CRPPA: variants seen among roughly 807,000 people sequenced by gnomAD.
The protein encoded by CRPPA is CDP-L-ribitol pyrophosphorylase A, also known as D-ribitol-5-phosphate cytidylyltransferase.
A neutral mutation model predicts 52.0 loss-of-function variants in CRPPA; 43 were observed. That is an observed-to-expected ratio of 0.83 (90% confidence interval 0.65 to 1.07). The LOEUF is 1.07. Ranked by LOEUF, CRPPA falls within the 50% of genes least tolerant of loss-of-function variation. The probability of loss-of-function intolerance (pLI) is 0.00; values close to 1 mark genes in which losing one functional copy is unlikely to be tolerated. For missense variants in CRPPA, 629 were observed against 551.7 expected (o/e 1.14, Z -1.40); for synonymous variants, 250 against 203.5 (o/e 1.23, Z -1.94).
At chr7:16,294,484 G>A (rs1784631161) in intron 5 of CRPPA, among the ~76,000 whole-genome samples, 1 of 151,254 alleles carries the variant, frequency 6.6e-6, no homozygotes, top group Non-Finnish European at 1.5e-5. Flanking sequence ...TTTTTTTACA[G>A]TAAGATTTCA....
chr7:16,286,097 A>AAAAAATATATAT lies in CRPPA; in HGVS notation c.836-7872_836-7871insATATATATTTTT. 7.2e-3 allele frequency among the ~76,000 whole-genome samples: 280 copies of AAAAAATATATAT among 39,118 alleles called. 29 individuals carry two copies. Among genetic ancestry groups the AAAAAATATATAT allele is most frequent in the Non-Finnish European group, 8.6e-3 (211 of 24,646 alleles). 25.7% of individuals were successfully genotyped at this position (39,118 alleles called of 152,430 possible). A position where few individuals can be genotyped will look rare whatever the true frequency, so the allele number is the denominator to read the frequency against. ...TATATATATAATATTTAAAAAAAAA[A>AAAAAATATATAT]ATATATATATATATATATATGCCAA... is the stretch of plus-strand genomic sequence containing the variant. On this transcript the variant is annotated intron_variant, in intron 5 of 9. Coordinates refer to ENST00000407010, the MANE Select transcript of CRPPA (RefSeq NM_001101426.4).
chr7:16,192,387 C>T (rs781413651), intron 9 of CRPPA, among the ~76,000 whole-genome samples: 1 of 152,062 alleles, frequency 6.6e-6, no homozygotes, highest in Non-Finnish European at 1.5e-5. Flanking sequence ...GCACAGATAA[C>T]ATGCACAATC....
chr7:16,252,184 C>T (rs964485175), intron 8 of CRPPA, among the ~76,000 whole-genome samples: 4 of 152,088 alleles, frequency 2.6e-5, no homozygotes, highest in Non-Finnish European at 4.4e-5. Flanking sequence ...TCCAGCAGCA[C>T]ATCAAAAAGC....
At chr7:16,272,647 G>A (rs1295134) in intron 6 of CRPPA, among the ~76,000 whole-genome samples, 21,423 of 152,100 alleles carry the variant, frequency 0.14, 1,640 homozygotes, top group African/African-American at 0.21. Flanking sequence ...ACCTTTATAA[G>A]GGAAGGGAAA....
At chr7:16,373,153 C>T (rs188297317) in intron 3 of CRPPA, among the ~76,000 whole-genome samples, 6 of 151,912 alleles carry the variant, frequency 3.9e-5, no homozygotes, top group Admixed American at 1.3e-4. Flanking sequence ...AAAATTAGCC[C>T]GGCATGGTGG....
chr7:16,347,913 C>A (rs1786055766), intron 3 of CRPPA, among the ~76,000 whole-genome samples: 1 of 151,858 alleles, frequency 6.6e-6, no homozygotes, highest in Non-Finnish European at 1.5e-5. Flanking sequence ...CTCTCCAGAC[C>A]ACAGGAAAAA....
At chr7:16,273,080 G>C (rs1157738023) in intron 6 of CRPPA, among the ~76,000 whole-genome samples, 1 of 150,478 alleles carries the variant, frequency 6.6e-6, no homozygotes, top group Non-Finnish European at 1.5e-5. Flanking sequence ...TCGTCATTTA[G>C]CATTAGGTAT....
chr7:16,151,839 T>C (rs1202052983), intron 9 of CRPPA, among the ~76,000 whole-genome samples: 1 of 152,006 alleles, frequency 6.6e-6, no homozygotes, highest in African/African-American at 2.4e-5. Flanking sequence ...CTAGTAAATA[T>C]TGTAGGAAAT....
chr7:16,101,500 C>T (rs62439474), intron 9 of CRPPA, among the ~76,000 whole-genome samples: 33,560 of 151,806 alleles, frequency 0.22, 4,770 homozygotes, highest in Admixed American at 0.34. Flanking sequence ...GTGATATCCC[C>T]TTTATCATTT....
chr7:16,386,146 G>A (rs985598352), intron 2 of CRPPA, among the ~76,000 whole-genome samples: 8 of 149,006 alleles, frequency 5.4e-5, no homozygotes, highest in Admixed American at 4.0e-4. Flanking sequence ...CGGTAGGATG[G>A]ATGGGGAGCT....
At chr7:16,288,003 TGTATAGACAAAG>T (rs1784485816) in intron 5 of CRPPA, among the ~76,000 whole-genome samples, 1 of 152,034 alleles carries the variant, frequency 6.6e-6, no homozygotes, top group Non-Finnish European at 1.5e-5. Context: ...GGGAAGACTA[TGTATAGACAAAG>T]GATGAAGAAA....
intron 9 of CRPPA, among the ~76,000 whole-genome samples, chr7:16,196,510 T>C (rs1223777454): frequency 6.6e-6 from 1 of 152,198 alleles, no homozygotes; most frequent in African/African-American, 2.4e-5. Context: ...TATCTTCGGC[T>C]AGGATGACAG....
chr7:16,148,375 G>C (rs1376414679), intron 9 of CRPPA, among the ~76,000 whole-genome samples: 1 of 152,050 alleles, frequency 6.6e-6, no homozygotes, highest in African/African-American at 2.4e-5. Context: ...CTAACATGTG[G>C]AAATAACCTA....
intron 9 of CRPPA, among the ~76,000 whole-genome samples, chr7:16,201,219 G>C (rs889064193): frequency 7.9e-5 from 12 of 152,088 alleles, no homozygotes; most frequent in Non-Finnish European, 2.9e-5. Flanking sequence ...TATAAGCATT[G>C]TTCACGACAG....
At chr7:16,287,173 A>C (rs1006919877) in intron 5 of CRPPA, among the ~76,000 whole-genome samples, 3 of 152,218 alleles carry the variant, frequency 2.0e-5, no homozygotes, top group Admixed American at 2.0e-4. Context: ...TAAAGCAAGT[A>C]AATTGCCCAA....
chr7:16,325,993 T>C (rs1003567313), intron 3 of CRPPA, among the ~76,000 whole-genome samples: 2 of 150,844 alleles, frequency 1.3e-5, no homozygotes, highest in Admixed American at 1.3e-4. Flanking sequence ...CATGGTCTAG[T>C]AATACGCTTT....
At chr7:16,331,593 A>G (rs535129158) in intron 3 of CRPPA, among the ~76,000 whole-genome samples, 47 of 152,352 alleles carry the variant, frequency 3.1e-4, no homozygotes, top group African/African-American at 1.1e-3. Context: ...CTACATACAA[A>G]GGATTCCAGT....
At chr7:16,205,788 A>G (rs1024053633) in intron 9 of CRPPA, among the ~76,000 whole-genome samples, 6 of 141,552 alleles carry the variant, frequency 4.2e-5, no homozygotes, top group Non-Finnish European at 9.7e-5. Flanking sequence ...TTTTTAAACT[A>G]TAAAAGAAAA....
At chr7:16,155,143 T>G (rs983392401) in intron 9 of CRPPA, among the ~76,000 whole-genome samples, 2 of 152,074 alleles carry the variant, frequency 1.3e-5, no homozygotes, top group Non-Finnish European at 2.9e-5. Flanking sequence ...TTATTACATT[T>G]GAATACATCA....
Sources: gnomAD v4.1 joint callset for allele counts (sites outside exome capture counted in the v4.1 genomes callset) on GRCh38, gnomAD v4.1.1 for gene constraint, MANE v1.5 for transcripts, NCBI Gene and HGNC (gene_info 2026-07-23, HGNC 2026-07-21) for gene names.